Variants in TIAL1 observed in about 807,000 individuals in gnomAD.
TIAL1 encodes the protein nucleolysin TIAR.
A neutral mutation model predicts 59.7 loss-of-function variants in TIAL1; 7 were observed. That is an observed-to-expected ratio of 0.12 (90% CI 0.07 to 0.22). The LOEUF is 0.22. Ranked by LOEUF, TIAL1 falls within the 10% of genes least tolerant of loss-of-function variation. The pLI is 1.00. For missense variants in TIAL1, 225 were observed against 462.5 expected, an observed-to-expected ratio of 0.49 and a Z score of 4.71; for synonymous variants, 149 against 146.3, an observed-to-expected ratio of 1.02 and a Z score of -0.13.
intron 1 of TIAL1, among the ~76,000 whole-genome samples, chr10:119,596,218 A>T (rs1846179908): frequency 6.6e-6 from 1 of 152,192 alleles, no homozygotes; most frequent in African/African-American, 2.4e-5. Context: ...AGGTCGAGAC[A>T]AGCCCCAGAC....
Position 119,575,594 on chromosome 10 carries a change from T to G in TIAL1, c.*71A>C, listed in dbSNP as rs1220794813. 6.4e-7 allele frequency: 1 copy of G among 1,568,378 alleles called. No individual in the cohort carries two copies. Among genetic ancestry groups the G allele is most frequent in the African/African-American group, 1.4e-5 (1 of 73,684 alleles). Reference sequence around the variant, plus strand: ...AATATTTTCATTTTCCGATGTCTACTTTCATGTCTTCAGAGTGTCACAGGA... The same window carrying G: ...AATATTTTCATTTTCCGATGTCTACGTTCATGTCTTCAGAGTGTCACAGGA... On this transcript the variant is annotated 3_prime_UTR_variant, in exon 12 of 12. Transcript: ENST00000436547.
At chr10:119,581,829 T>C (rs1845322354) in intron 5 of TIAL1, 93 bp downstream of exon 5, 2 of 994,168 alleles carry the variant, frequency 2.0e-6, no homozygotes, top group Admixed American at 4.4e-5. Context: ...AAAACCATAC[T>C]AACTAGAGAA....
intron 5 of TIAL1, chr10:119,580,935 A>G: frequency 1.7e-6 from 1 of 574,326 alleles, no homozygotes; most frequent in Non-Finnish European, 2.4e-6. Flanking sequence ...AGATTGAAAA[A>G]CAGCAACCTG....
chr10:119,578,652 T>G, intron 7 of TIAL1, 74 bp downstream of exon 7: 2 of 1,270,628 alleles, frequency 1.6e-6, no homozygotes, highest in Non-Finnish European at 2.3e-6. Flanking sequence ...AATTAGAAAT[T>G]GAGACTAGAT....
intron 2 of TIAL1, among the ~76,000 whole-genome samples, chr10:119,587,949 C>T (rs1012332206): frequency 5.3e-5 from 8 of 152,150 alleles, no homozygotes; most frequent in Non-Finnish European, 8.8e-5. Flanking sequence ...GAAGAATGAC[C>T]GTTTGAGCTT....
In TIAL1 at chr10:119,596,626, A is replaced by G. The variant is rs561946580; in HGVS notation, c.-161T>C. ...TCTCTCCCCCCAGCCCGCTCCGGAC[A>G]CTGCGCTCCAACCAGGAGGAGCAGG... On this transcript the variant is annotated 5_prime_UTR_variant, in exon 1 of 12. Transcript: ENST00000436547. 13 of 617,524 alleles carry G rather than the reference A, an allele frequency of 2.1e-5. No individual in the cohort carries two copies. In the South Asian group the frequency reaches 2.3e-4, roughly 11 times the overall value. The allele number at this position is 617,524 out of a possible 1,614,324, so 38.3% of individuals were successfully genotyped here. A position where few individuals can be genotyped will look rare whatever the true frequency, so the allele number is the denominator to read the frequency against.
chr10:119,590,787 A>C (rs1474685426), intron 1 of TIAL1, among the ~76,000 whole-genome samples: 1 of 135,588 alleles, frequency 7.4e-6, no homozygotes, highest in Non-Finnish European at 1.6e-5. Context: ...AAAGAAAGAA[A>C]GAAAGAAAGA....
Position 119,582,114 on chromosome 10 carries a change from G to A in TIAL1, c.283+55C>T, listed in dbSNP as rs1845334381. On this transcript the variant is annotated intron_variant, in intron 4 of 11. Coordinates refer to ENST00000436547, the MANE Select transcript of TIAL1 (RefSeq NM_003252.4). This position sits in a 1 kb window ranked among gnomAD's most constrained non-coding sequence, Gnocchi z 5.1. Reference sequence around the variant, plus strand: ...AAAAAAACCTATTTAAGCTGGTAATGCCTCCTGGATAATTTCAGAACTCTT... The same window carrying A: ...AAAAAAACCTATTTAAGCTGGTAATACCTCCTGGATAATTTCAGAACTCTT... 1.3e-6 allele frequency: 2 copies of A among 1,594,980 alleles called. No homozygotes were observed. The highest frequency in any genetic ancestry group is 1.1e-5 in the South Asian group (1 of 89,020).
chr10:119,575,585 G>T lies in TIAL1; in HGVS notation c.*80C>A. 3.3e-6 allele frequency: 5 copies of T among 1,526,702 alleles called. No homozygotes were observed. Among genetic ancestry groups the T allele is most frequent in the Non-Finnish European group, 4.5e-6 (5 of 1,110,254 alleles). 94.6% of individuals were successfully genotyped at this position (1,526,702 alleles called of 1,614,324 possible). ...TTTAAAATAAATATTTTCATTTTCC[G>T]ATGTCTACTTTCATGTCTTCAGAGT... On this transcript the variant is annotated 3_prime_UTR_variant, in exon 12 of 12. Coordinates refer to ENST00000436547, the MANE Select transcript of TIAL1 (RefSeq NM_003252.4).
rs1844921866 is a variant in TIAL1 at position 119,575,169 on chromosome 10, T to C, written c.*496A>G. The stretch of plus-strand genomic sequence containing the variant: ...AAGCGACTCCAAAATCACGCATTTC[T>C]TCTGAATATCACACTTTTTCTCTGC... On this transcript the variant is annotated 3_prime_UTR_variant, in exon 12 of 12. Coordinates refer to ENST00000436547, the MANE Select transcript of TIAL1 (RefSeq NM_003252.4). 6.5e-6 allele frequency: 1 copy of C among 153,158 alleles called. No individual in the cohort carries two copies. Among genetic ancestry groups the C allele is most frequent in the Non-Finnish European group, 1.5e-5 (1 of 68,418 alleles). 9.5% of individuals were successfully genotyped at this position (153,158 alleles called of 1,614,324 possible). A position where few individuals can be genotyped will look rare whatever the true frequency, so the allele number is the denominator to read the frequency against.
In TIAL1 at chr10:119,574,899, T is replaced by C. The variant is rs1001291542; in HGVS notation, c.*766A>G. 6.6e-6 allele frequency: 1 copy of C among 152,652 alleles called. No homozygotes were observed. Among genetic ancestry groups the C allele is most frequent in the East Asian group, 1.9e-4 (1 of 5,202 alleles). The allele number at this position is 152,652 out of a possible 1,614,324, so 9.5% of individuals were successfully genotyped here. On this transcript the variant is annotated 3_prime_UTR_variant, in exon 12 of 12. Coordinates refer to ENST00000436547, the MANE Select transcript of TIAL1 (RefSeq NM_003252.4). ...TACAATATGTATCATTTAAACTTCA[T>C]GTAAAAGCACAAGTATGACTGTCTG...
At chr10:119,583,660 C>T (rs1198680323) in intron 2 of TIAL1, among the ~76,000 whole-genome samples, 1 of 151,692 alleles carries the variant, frequency 6.6e-6, no homozygotes, top group African/African-American at 2.4e-5. Flanking sequence ...TCAACCACAA[C>T]AGTTTTTCAT....
chr10:119,576,578 C>T (rs375179583), intron 11 of TIAL1, 33 bp downstream of exon 11: 26 of 1,606,040 alleles, frequency 1.6e-5, no homozygotes, highest in Admixed American at 3.5e-5. Context: ...CAGAACCATA[C>T]GTTTCTATAC....
chr10:119,593,556 G>T, intron 1 of TIAL1: 1 of 918,416 alleles, frequency 1.1e-6, no homozygotes, highest in South Asian at 5.0e-5. Context: ...GGCATCTTAA[G>T]GAAACAATTT....
chr10:119,586,216 C>T (rs1845565723), intron 2 of TIAL1, among the ~76,000 whole-genome samples: 3 of 152,212 alleles, frequency 2.0e-5, no homozygotes, highest in Non-Finnish European at 4.4e-5. Context: ...CCACCACTCC[C>T]CATGGTGACA....
rs866219002 is a variant in TIAL1 at position 119,573,748 on chromosome 10, A to G, written c.*1917T>C. ...ATTAACTTTTCCAAAAACATTCCTC[A>G]AAGATACTATAAACAAAAGAAATAA... On this transcript the variant is annotated 3_prime_UTR_variant, in exon 12 of 12. Coordinates refer to ENST00000436547, the MANE Select transcript of TIAL1 (RefSeq NM_003252.4). 1 of 152,488 alleles carries G rather than the reference A, an allele frequency of 6.6e-6. No homozygotes were observed. The allele number at this position is 152,488 out of a possible 1,614,324, so 9.4% of individuals were successfully genotyped here.
intron 11 of TIAL1, among the ~76,000 whole-genome samples, chr10:119,576,001 TTAA>T (rs1844972035): frequency 6.6e-6 from 1 of 152,146 alleles, no homozygotes; most frequent in Non-Finnish European, 1.5e-5. Flanking sequence ...TAACCACAAC[TTAA>T]CACACTGATG....
chr10:119,590,375 T>A (rs1845787706), intron 1 of TIAL1, among the ~76,000 whole-genome samples: 3 of 152,200 alleles, frequency 2.0e-5, no homozygotes, highest in African/African-American at 7.2e-5. Flanking sequence ...CCTGTATCTC[T>A]GAAATGATTT....
At position 119,574,585 on chromosome 10, in the gene TIAL1, G is replaced by GAAAAAAAAAA. The variant is rs1302922520; in HGVS notation, c.*1079_*1080insTTTTTTTTTT. 1 of 6,130 alleles carries GAAAAAAAAAA rather than the reference G, an allele frequency of 1.6e-4. No homozygotes were observed. The highest frequency in any genetic ancestry group is 1.7e-3 in the Admixed American group (1 of 576). The allele number at this position is 6,130 out of a possible 1,614,324, so 0.4% of individuals were successfully genotyped here. A position where few individuals can be genotyped will look rare whatever the true frequency, so the allele number is the denominator to read the frequency against. ...GTATTTACATACCAAGTAATGTAAA[G>GAAAAAAAAAA]CAAAAAAAAAAAAAAAAAAAAACAA... On this transcript the variant is annotated 3_prime_UTR_variant, in exon 12 of 12. Coordinates refer to ENST00000436547, the MANE Select transcript of TIAL1 (RefSeq NM_003252.4).
Sources: gnomAD v4.1 joint callset for allele counts (sites outside exome capture counted in the v4.1 genomes callset) on GRCh38, gnomAD v4.1.1 for gene constraint, Gnocchi (gnomAD v3.1) non-coding constraint, MANE v1.5 for transcripts, NCBI Gene and HGNC (gene_info 2026-07-23, HGNC 2026-07-21) for gene names.